LSS: variants seen among roughly 807,000 people sequenced by gnomAD.
The protein encoded by LSS is lanosterol synthase.
LSS carries 90 observed loss-of-function variants against 110.3 expected under a neutral mutation model. The observed-to-expected ratio is 0.82, with a 90% CI of 0.69 to 0.97. The LOEUF is 0.97. LSS is among the 50% of genes least tolerant of loss of function. The pLI, the probability that LSS is intolerant of heterozygous loss-of-function variation, is 0.00. For synonymous variants in LSS, 433 were observed against 400.0 expected (o/e 1.08, Z -0.98); for missense variants, 927 against 990.0 (o/e 0.94, Z 0.85).
chr21:46,209,604 C>T lies in LSS; in HGVS notation c.1216G>A (p.Glu406Lys), dbSNP rs530087387. Residue 406 changes from glutamate (E) to lysine (K), a missense_variant, in exon 13 of 22, where the codon GAG (glutamate) becomes AAG (lysine). Glu to Lys is a moderately conservative substitution (Grantham distance 56). Coordinates refer to ENST00000397728, the MANE Select transcript of LSS (RefSeq NM_002340.6). This position sits in a 1 kb window ranked among gnomAD's most constrained non-coding sequence, Gnocchi z 4.4. ...GCCTTCTGCAGGCAGGACGAAAACT[C>T]GGGCCTGTGGTGCCCGCCCGCCTGG... ...LLEAGGHHRP[E>K]FSSCLQKAHE... is the part of the protein sequence containing the mutation. 9.4e-6 allele frequency: 15 copies of T among 1,597,574 alleles called. No homozygotes were observed. In the African/African-American group the frequency reaches 1.1e-4, roughly 11 times the overall value.
intron 20 of LSS, chr21:46,192,289 C>T: frequency 2.2e-6 from 1 of 453,904 alleles, no homozygotes; most frequent in Non-Finnish European, 4.1e-6. Flanking sequence ...TGGAGACCCA[C>T]AGGAGCTCAC....
chr21:46,206,802 A>G, intron 15 of LSS, 34 bp from the exon 16 acceptor site: 1 of 1,550,698 alleles, frequency 6.4e-7, no homozygotes, highest in Non-Finnish European at 8.8e-7. Context: ...GAACTCGCCC[A>G]TGTGCTGAGC....
In LSS at chr21:46,189,429, G is replaced by A. The variant is rs2079773143; in HGVS notation, c.*1675C>T. ...GTTCCTTCAGCGAAAATAAAGCCCA[G>A]TTTTAAGATGTGCAGGGAAGTGTTG... On this transcript the variant is annotated 3_prime_UTR_variant, in exon 22 of 22. Transcript: ENST00000397728. 1 of 327,096 alleles carries A rather than the reference G, an allele frequency of 3.1e-6. No homozygotes were observed. Among genetic ancestry groups the A allele is most frequent in the Non-Finnish European group, 6.0e-6 (1 of 166,008 alleles). The allele number at this position is 327,096 out of a possible 1,614,324, so 20.3% of individuals were successfully genotyped here.
chr21:46,204,717 G>A (rs1239629275), intron 17 of LSS, among the ~76,000 whole-genome samples: 1 of 152,176 alleles, frequency 6.6e-6, no homozygotes. Flanking sequence ...GGCATTTCCG[G>A]TAATTTTTCC....
At position 46,210,722 on chromosome 21, in the gene LSS, C is replaced by A. The variant is rs376853194; in HGVS notation, c.1160G>T (p.Trp387Leu). 10 of 1,614,108 alleles carry A rather than the reference C, an allele frequency of 6.2e-6. No individual in the cohort carries two copies. Among genetic ancestry groups the A allele is most frequent in the Non-Finnish European group, 1.7e-6 (2 of 1,180,022 alleles). ...KMQGTNGSQI[W>L]DTAFAIQALL... ...AGCCTGGATGGCGAATGCGGTGTCC[C>A]AGATCTGTGAGCCGTTGGTGCCCTA... Residue 387 changes from tryptophan (W) to leucine (L), a missense_variant, in exon 12 of 22, where the codon TGG becomes TTG. Trp to Leu is a moderately conservative substitution (Grantham distance 61). Coordinates refer to ENST00000397728, the MANE Select transcript of LSS (RefSeq NM_002340.6).
At chr21:46,195,893 A>G (rs1237975001) in intron 18 of LSS, 137 bp from the exon 19 acceptor site, 2 of 711,818 alleles carry the variant, frequency 2.8e-6, no homozygotes, top group Non-Finnish European at 5.0e-6. Flanking sequence ...AGGCCGTGGA[A>G]GACAGCAGCT....
chr21:46,200,205 TAAAC>T (rs2079962040), intron 17 of LSS, among the ~76,000 whole-genome samples: 1 of 151,978 alleles, frequency 6.6e-6, no homozygotes, highest in South Asian at 2.1e-4. Context: ...AATAAGTAAA[TAAAC>T]AGAGGCAAAG....
At chr21:46,199,386 G>A (rs4819213) in intron 17 of LSS, among the ~76,000 whole-genome samples, 86,843 of 152,032 alleles carry the variant, frequency 0.57, 24,968 homozygotes, top group East Asian at 0.69. Flanking sequence ...TGAGGATGTG[G>A]AGCAACAAAA....
At chr21:46,205,219 C>T (rs1440458899) in intron 17 of LSS, among the ~76,000 whole-genome samples, 1 of 152,312 alleles carries the variant, frequency 6.6e-6, no homozygotes, top group South Asian at 2.1e-4. Flanking sequence ...CTGGATAGCG[C>T]GGCATCTGTG....
chr21:46,222,873 T>G, intron 3 of LSS, 135 bp from the exon 4 acceptor site: 3 of 664,654 alleles, frequency 4.5e-6, no homozygotes, highest in Non-Finnish European at 7.8e-6. Context: ...GGAAAGGCCA[T>G]TCCTCCCAGG....
intron 4 of LSS, 115 bp from the exon 5 acceptor site, chr21:46,222,090 T>G: frequency 8.5e-7 from 1 of 1,171,852 alleles, no homozygotes; most frequent in Non-Finnish European, 1.2e-6. Flanking sequence ...TGCCTTAACC[T>G]GACATAACAT....
intron 8 of LSS, among the ~76,000 whole-genome samples, 183 bp from the exon 9 acceptor site, chr21:46,215,481 CA>C (rs2080191436): frequency 6.6e-6 from 1 of 151,446 alleles, no homozygotes; most frequent in Non-Finnish European, 1.5e-5. Flanking sequence ...TCCTACCACA[CA>C]CCCTTGCACA....
intron 11 of LSS, 111 bp downstream of exon 11, chr21:46,212,914 C>T (rs1026798160): frequency 2.4e-5 from 33 of 1,351,750 alleles, no homozygotes; most frequent in Admixed American, 1.1e-4. Context: ...TCTAGTCGCA[C>T]GCTGCCGGGA....
Position 46,190,297 on chromosome 21 carries a change from A to G in LSS, c.*807T>C, listed in dbSNP as rs760262723. 2 of 167,268 alleles carry G rather than the reference A, an allele frequency of 1.2e-5. No homozygotes were observed. Among genetic ancestry groups the G allele is most frequent in the Admixed American group, 5.5e-5 (1 of 18,112 alleles). 10.4% of individuals were successfully genotyped at this position (167,268 alleles called of 1,614,324 possible). A position where few individuals can be genotyped will look rare whatever the true frequency, so the allele number is the denominator to read the frequency against. On this transcript the variant is annotated 3_prime_UTR_variant, in exon 22 of 22. Transcript: ENST00000397728. The surrounding 1 kb of genome is among the most constrained non-coding windows in gnomAD (Gnocchi z 4.6). Reference sequence around the variant, plus strand: ...GCATTTCTGTGTCCACAAGACTACTATAAACCCTGTAGACACCTCACAAAC... The same window carrying G: ...GCATTTCTGTGTCCACAAGACTACTGTAAACCCTGTAGACACCTCACAAAC...
intron 11 of LSS, 68 bp downstream of exon 11, chr21:46,212,957 A>G: frequency 6.3e-7 from 1 of 1,596,114 alleles, no homozygotes; most frequent in Admixed American, 1.7e-5. Context: ...CTGAACCCCA[A>G]AGGAAAAATA....
chr21:46,189,089 T>C lies in LSS; in HGVS notation c.*2015A>G, dbSNP rs1029575767. ...CAGCCAGAAACCCCAAATCTGCAGT[T>C]CTCCCCAGGATGAAACGAAACACAG... On this transcript the variant is annotated 3_prime_UTR_variant, in exon 22 of 22. Transcript: ENST00000397728. The C allele has an allele frequency of 1.6e-5, 4 of 256,778 alleles. No homozygotes were observed. The highest frequency in any genetic ancestry group is 2.3e-5 in the Non-Finnish European group (3 of 128,398). The allele number at this position is 256,778 out of a possible 1,614,324, so 15.9% of individuals were successfully genotyped here. A position where few individuals can be genotyped will look rare whatever the true frequency, so the allele number is the denominator to read the frequency against.
intron 3 of LSS, chr21:46,225,465 CG>C: frequency 4.5e-6 from 2 of 447,318 alleles, no homozygotes; most frequent in South Asian, 1.6e-5. Context: ...TCCCTTTCCC[CG>C]GGGGAGTTTA....
chr21:46,215,740 G>A lies in LSS; in HGVS notation c.837C>T (p.Asn279=), dbSNP rs201096401. 5.0e-6 allele frequency: 8 copies of A among 1,612,796 alleles called. No homozygotes were observed. Among genetic ancestry groups the A allele is most frequent in the East Asian group, 2.2e-5 (1 of 44,866 alleles). The change falls in exon 8 of 22, where the codon AAC becomes AAT. Residue 279 remains asparagine, a synonymous_variant. Coordinates refer to ENST00000397728, the MANE Select transcript of LSS (RefSeq NM_002340.6). ...GCGTGTACAGCTCGTCGGGGGCCAC[G>A]TTGTTCCTCTGCGCCAGCCAGTCAA... is the stretch of plus-strand genomic sequence containing the variant. The part of the protein sequence containing the change: ...ASIDWLAQRN[N]VAPDELYTPH...
Position 46,228,609 on chromosome 21 carries a change from A to G in LSS, c.15-10T>C. On this transcript the variant is annotated splice_polypyrimidine_tract_variant and intron_variant, in intron 1 of 21. Coordinates refer to ENST00000397728, the MANE Select transcript of LSS (RefSeq NM_002340.6). ...TCGGCGCCGCAGACACCTGAGGACC[A>G]CCGGCCATCAGCGACCCAGGCCCCG... is the stretch of plus-strand genomic sequence containing the variant. The G allele has an allele frequency of 6.3e-7, 1 of 1,591,774 alleles. No homozygotes were observed. Among genetic ancestry groups the G allele is most frequent in the Non-Finnish European group, 8.5e-7 (1 of 1,175,818 alleles).
Sources: gnomAD v4.1 joint callset for allele counts (sites outside exome capture counted in the v4.1 genomes callset) on GRCh38, gnomAD v4.1.1 for gene constraint, Gnocchi (gnomAD v3.1) non-coding constraint, MANE v1.5 for transcripts, NCBI Gene and HGNC (gene_info 2026-07-23, HGNC 2026-07-21) for gene names.